The following UBE2O variants were observed in gnomAD, a reference collection of about 807,000 sequenced individuals.
UBE2O encodes the protein ubiquitin conjugating enzyme E2 O, also known as (E3-independent) E2 ubiquitin-conjugating enzyme.
UBE2O carries 15 observed loss-of-function variants against 125.8 expected under a neutral mutation model. The observed-to-expected ratio is 0.12, with a 90% CI of 0.08 to 0.18. The LOEUF is 0.18. Among genes scored for constraint, UBE2O ranks in the 10% least tolerant of loss-of-function variants. UBE2O has a pLI of 1.00. For synonymous variants in UBE2O, 708 were observed against 703.2 expected, an observed-to-expected ratio of 1.01 and a Z score of -0.11; for missense variants, 1,280 against 1,723.6, an observed-to-expected ratio of 0.74 and a Z score of 4.56.
At position 76,452,087 on chromosome 17, in the gene UBE2O, C is replaced by T. The variant is rs902317284; in HGVS notation, c.417+638G>A. On this transcript the variant is annotated intron_variant, in intron 1 of 17. Coordinates refer to ENST00000319380, the MANE Select transcript of UBE2O (RefSeq NM_022066.4). The surrounding 1 kb of genome is among the most constrained non-coding windows in gnomAD (Gnocchi z 4.4). ...AGTCATCAATCCCGGTCGCAGCTGT[C>T]AGAATCCTCCCCCCCAAGTACTATT... Among the ~76,000 whole-genome samples the T allele has an allele frequency of 1.3e-5, 2 of 152,072 alleles. No individual in the cohort carries two copies. The highest frequency in any genetic ancestry group is 4.8e-5 in the African/African-American group (2 of 41,386).
In UBE2O at chr17:76,405,620, C is replaced by T. The variant is rs994591189; in HGVS notation, c.418-48G>A. The T allele has an allele frequency of 2.9e-5, 43 of 1,486,276 alleles. No homozygotes were observed. The highest frequency in any genetic ancestry group is 3.8e-5 in the Non-Finnish European group (41 of 1,084,172). 92.1% of individuals were successfully genotyped at this position (1,486,276 alleles called of 1,614,324 possible). A position where few individuals can be genotyped will look rare whatever the true frequency, so the allele number is the denominator to read the frequency against. On this transcript the variant is annotated intron_variant, in intron 1 of 17. Coordinates refer to ENST00000319380, the MANE Select transcript of UBE2O (RefSeq NM_022066.4). The surrounding 1 kb of genome is among the most constrained non-coding windows in gnomAD (Gnocchi z 6.1). ...GAGAGAATGGACTCTGAAGCCACCACAGAATACAGTTTTCTTCCAGCTTCT... is the reference window on the plus strand; with the variant it reads ...GAGAGAATGGACTCTGAAGCCACCATAGAATACAGTTTTCTTCCAGCTTCT...
At chr17:76,407,266 C>T (rs1014320290) in intron 1 of UBE2O, among the ~76,000 whole-genome samples, 1 of 152,200 alleles carries the variant, frequency 6.6e-6, no homozygotes, top group African/African-American at 2.4e-5. Context: ...TCAGGCTCTC[C>T]TTATCTCTGC....
At chr17:76,418,053 C>G (rs1208731543) in intron 1 of UBE2O, among the ~76,000 whole-genome samples, 3 of 152,130 alleles carry the variant, frequency 2.0e-5, no homozygotes, top group Admixed American at 1.3e-4. Flanking sequence ...AGGGGGAGGT[C>G]ACAGAGCTGG....
intron 1 of UBE2O, among the ~76,000 whole-genome samples, chr17:76,425,028 G>A (rs370272992): frequency 2.0e-5 from 3 of 150,996 alleles, no homozygotes; most frequent in Non-Finnish European, 4.4e-5. Flanking sequence ...CCGCCACCAC[G>A]CCCAGCTAAC....
chr17:76,390,851 A>G lies in UBE2O; in HGVS notation c.*92T>C, dbSNP rs1033388238. 1 of 1,327,086 alleles carries G rather than the reference A, an allele frequency of 7.5e-7. No individual in the cohort carries two copies. Among genetic ancestry groups the G allele is most frequent in the African/African-American group, 1.5e-5 (1 of 68,282 alleles). 82.2% of individuals were successfully genotyped at this position (1,327,086 alleles called of 1,614,324 possible). On this transcript the variant is annotated 3_prime_UTR_variant, in exon 18 of 18. Coordinates refer to ENST00000319380, the MANE Select transcript of UBE2O (RefSeq NM_022066.4). ...GGCAGTGGGTTTGCAGTGGGGACAG[A>G]GGGGCATGGGAAGAGGGGTGATTCC...
At position 76,398,734 on chromosome 17, in the gene UBE2O, A is replaced by C. The variant is rs868210302; in HGVS notation, c.1783+103T>G. ...TGAGGGCAGTCCCCTTCTGGACCTC[A>C]TTTTAGCTCTGACCCCAGATCCACT... On this transcript the variant is annotated intron_variant, in intron 10 of 17. Transcript: ENST00000319380. This position sits in a 1 kb window ranked among gnomAD's most constrained non-coding sequence, Gnocchi z 5.4. 1.3e-5 allele frequency: 20 copies of C among 1,520,532 alleles called. 1 individual carries two copies. The South Asian group carries it at 2.1e-4, about 16-fold the overall frequency. The allele number at this position is 1,520,532 out of a possible 1,614,324, so 94.2% of individuals were successfully genotyped here.
intron 1 of UBE2O, among the ~76,000 whole-genome samples, chr17:76,415,675 C>A (rs369400615): frequency 6.6e-6 from 1 of 151,944 alleles, no homozygotes; most frequent in African/African-American, 2.4e-5. Flanking sequence ...TGTGGTGGTG[C>A]GCACCTGTAA....
Position 76,452,878 on chromosome 17 carries a change from G to A in UBE2O, c.264C>T (p.Asp88=). 1.3e-6 allele frequency: 2 copies of A among 1,501,410 alleles called. No individual in the cohort carries two copies. Among genetic ancestry groups the A allele is most frequent in the Non-Finnish European group, 1.8e-6 (2 of 1,124,780 alleles). The allele number at this position is 1,501,410 out of a possible 1,614,324, so 93.0% of individuals were successfully genotyped here. ...CGCGGCCCTCCTCCTCGCCCTCCGA[G>A]TCCGAGTCCTCGCCGTGGATGAGGC... is the stretch of plus-strand genomic sequence containing the variant. ...LVRLIHGEDS[D]SEGEEEGRGS... Residue 88 remains aspartate (D), a synonymous_variant, in exon 1 of 18, where the codon GAC becomes GAT. Coordinates refer to ENST00000319380, the MANE Select transcript of UBE2O (RefSeq NM_022066.4). The surrounding 1 kb of genome is among the most constrained non-coding windows in gnomAD (Gnocchi z 4.4).
intron 1 of UBE2O, among the ~76,000 whole-genome samples, chr17:76,444,808 A>G (rs495055): frequency 0.064 from 9,679 of 152,226 alleles, 377 homozygotes; most frequent in South Asian, 0.12. Context: ...CAGGGCCCTC[A>G]GAATCCCTTA....
At chr17:76,403,387 G>C (rs1725374254) in intron 3 of UBE2O, among the ~76,000 whole-genome samples, 1 of 152,076 alleles carries the variant, frequency 6.6e-6, no homozygotes, top group African/African-American at 2.4e-5. Flanking sequence ...TCCCACCTCA[G>C]TCTTCTGAGT....
rs148849885 is a variant in UBE2O, at chr17:76,400,609, C to G, written c.895-59G>C. On this transcript the variant is annotated intron_variant, in intron 6 of 17. Transcript: ENST00000319380. This position sits in a 1 kb window ranked among gnomAD's most constrained non-coding sequence, Gnocchi z 4.3. ...CAGGCTCTGACAGCACTCTCTTTAGCCAGCTGCCCAAAGCCCACTTGACCT... is the reference window on the plus strand; with the variant it reads ...CAGGCTCTGACAGCACTCTCTTTAGGCAGCTGCCCAAAGCCCACTTGACCT... The G allele has an allele frequency of 6.0e-4, 745 of 1,232,922 alleles. 6 individuals are homozygous for G. In the East Asian group the frequency reaches 0.017, roughly 29 times the overall value. 76.4% of individuals were successfully genotyped at this position (1,232,922 alleles called of 1,614,324 possible).
chr17:76,400,411 C>T lies in UBE2O; in HGVS notation c.1004+30G>A, dbSNP rs1204961381. The T allele has an allele frequency of 6.2e-7, 1 of 1,601,566 alleles. No homozygotes were observed. Among genetic ancestry groups the T allele is most frequent in the Admixed American group, 1.7e-5 (1 of 59,266 alleles). The stretch of plus-strand genomic sequence containing the variant: ...CCAGAGCCCTGTCCCACGCGTGCCC[C>T]TGGGTTGCTGGCAGTAAGGGCATGC... On this transcript the variant is annotated intron_variant, in intron 7 of 17. Transcript: ENST00000319380. This position sits in a 1 kb window ranked among gnomAD's most constrained non-coding sequence, Gnocchi z 4.3.
At position 76,431,065 on chromosome 17, in the gene UBE2O, C is replaced by T. The variant is rs553407455; in HGVS notation, c.417+21660G>A. On this transcript the variant is annotated intron_variant, in intron 1 of 17. Transcript: ENST00000319380. ...TCTTTAGTTCTGTGAAATTCCTTTG[C>T]TTTTTCCCAAGGGTTTCTGGCACAA... The T allele has an allele frequency of 6.4e-4, 122 of 191,302 alleles. 1 individual carries two copies. The Middle Eastern group carries it at 6.6e-3, about 10-fold the overall frequency. The allele number at this position is 191,302 out of a possible 1,614,324, so 11.9% of individuals were successfully genotyped here.
intron 1 of UBE2O, among the ~76,000 whole-genome samples, chr17:76,411,943 A>C (rs1182756169): frequency 2.0e-5 from 3 of 152,090 alleles, no homozygotes; most frequent in African/African-American, 7.2e-5. Flanking sequence ...TCAGCCTCCC[A>C]AAGTGCTGGG....
At position 76,405,694 on chromosome 17, in the gene UBE2O, T is replaced by C; in HGVS notation, c.418-122A>G. ...TGCTAAGTGCACAAATCCTAAGCGTTTGGCTAGCAGTATCTTCACAGACCG... is the reference window on the plus strand; with the variant it reads ...TGCTAAGTGCACAAATCCTAAGCGTCTGGCTAGCAGTATCTTCACAGACCG... On this transcript the variant is annotated intron_variant, in intron 1 of 17. Transcript: ENST00000319380. This position sits in a 1 kb window ranked among gnomAD's most constrained non-coding sequence, Gnocchi z 6.1. 1.1e-6 allele frequency: 1 copy of C among 874,976 alleles called. No homozygotes were observed. Among genetic ancestry groups the C allele is most frequent in the Non-Finnish European group, 1.8e-6 (1 of 560,508 alleles). 54.2% of individuals were successfully genotyped at this position (874,976 alleles called of 1,614,324 possible).
In UBE2O at chr17:76,404,292, A is replaced by C. The variant is rs141764172; in HGVS notation, c.588+914T>G. ...AGACCTGGTGGACACCAACATGACCAGGGGTAAAAGTGAACAACCCCAGCA... is the reference window on the plus strand; with the variant it reads ...AGACCTGGTGGACACCAACATGACCCGGGGTAAAAGTGAACAACCCCAGCA... On this transcript the variant is annotated intron_variant, in intron 3 of 17. Coordinates refer to ENST00000319380, the MANE Select transcript of UBE2O (RefSeq NM_022066.4). The surrounding 1 kb of genome is among the most constrained non-coding windows in gnomAD (Gnocchi z 4.3). 7.2e-5 allele frequency among the ~76,000 whole-genome samples: 11 copies of C among 152,326 alleles called. No homozygotes were observed. Among genetic ancestry groups the C allele is most frequent in the Non-Finnish European group, 1.6e-4 (11 of 68,008 alleles).
rs2072308090 is a variant in UBE2O at position 76,400,713 on chromosome 17, C to A, written c.895-163G>T. Reference sequence around the variant, plus strand: ...GCAGGCCCCAACTGTAACCACGGCCCCCACCCAATGCCCAGGACCAGTGTC... The same window carrying A: ...GCAGGCCCCAACTGTAACCACGGCCACCACCCAATGCCCAGGACCAGTGTC... On this transcript the variant is annotated intron_variant, in intron 6 of 17. Coordinates refer to ENST00000319380, the MANE Select transcript of UBE2O (RefSeq NM_022066.4). This position sits in a 1 kb window ranked among gnomAD's most constrained non-coding sequence, Gnocchi z 4.3. Among the ~76,000 whole-genome samples the A allele has an allele frequency of 6.6e-6, 1 of 152,156 alleles. No individual in the cohort carries two copies. The highest frequency in any genetic ancestry group is 1.5e-5 in the Non-Finnish European group (1 of 68,020).
Position 76,452,774 on chromosome 17 carries a change from C to T in UBE2O, c.368G>A (p.Arg123His). 1 of 1,520,522 alleles carries T rather than the reference C, an allele frequency of 6.6e-7. No homozygotes were observed. Among genetic ancestry groups the T allele is most frequent in the Non-Finnish European group, 8.8e-7 (1 of 1,141,948 alleles). 94.2% of individuals were successfully genotyped at this position (1,520,522 alleles called of 1,614,324 possible). The change falls in exon 1 of 18, where the codon CGC (arginine) becomes CAC (histidine). Residue 123 changes from arginine to histidine, a missense_variant. Arg to His is a conservative substitution (Grantham distance 29). Around this residue, in one of 10 missense-constraint regions of UBE2O, gnomAD observed 188 missense variants for 192.5 expected, o/e 0.98. Coordinates refer to ENST00000319380, the MANE Select transcript of UBE2O (RefSeq NM_022066.4). The surrounding 1 kb of genome is among the most constrained non-coding windows in gnomAD (Gnocchi z 4.4). The part of the protein sequence containing the change: ...RASPLRRGYV[R>H]VQWYPEGVKQ... The stretch of plus-strand genomic sequence containing the variant: ...GACGCCCTCCGGGTACCACTGGACG[C>T]GCACGTAGCCGCGGCGCAGGGGGCT...
At chr17:76,428,858 C>T (rs922445838) in intron 1 of UBE2O, among the ~76,000 whole-genome samples, 6 of 151,310 alleles carry the variant, frequency 4.0e-5, no homozygotes, top group Admixed American at 6.6e-5. Context: ...TAAGACATGA[C>T]CATCAAGGGA....
Sources: gnomAD v4.1 joint callset for allele counts (sites outside exome capture counted in the v4.1 genomes callset) on GRCh38, gnomAD v4.1.1 for gene constraint, gnomAD v4.1.1 regional missense constraint, Gnocchi (gnomAD v3.1) non-coding constraint, MANE v1.5 for transcripts, NCBI Gene and HGNC (gene_info 2026-07-23, HGNC 2026-07-21) for gene names.